The following EXOC6 variants were observed in gnomAD, a reference collection of about 807,000 sequenced individuals.
EXOC6 encodes exocyst complex component 6.
In EXOC6, 60 loss-of-function variants were observed where a neutral mutation model predicts 112.5. The observed-to-expected ratio is 0.53, with a 90% CI of 0.43 to 0.66. The LOEUF (loss-of-function observed/expected upper bound fraction) is 0.66. Ranked by LOEUF, EXOC6 falls within the 30% of genes least tolerant of loss-of-function variation. EXOC6 has a pLI of 0.00. For synonymous variants in EXOC6, 295 were observed against 308.0 expected (o/e 0.96, Z 0.44); for missense variants, 855 against 957.1 (o/e 0.89, Z 1.41).
chr10:92,910,051 A>G (rs1242775114), intron 6 of EXOC6, among the ~76,000 whole-genome samples: 2 of 152,234 alleles, frequency 1.3e-5, no homozygotes, highest in East Asian at 1.9e-4. Flanking sequence ...CTACAGTTCA[A>G]TAATAAACGG....
chr10:92,832,604 T>C (rs551026122), upstream of EXOC6, among the ~76,000 whole-genome samples: 6 of 152,122 alleles, frequency 3.9e-5, no homozygotes, highest in East Asian at 9.7e-4. Context: ...TTAAGCATTA[T>C]GGGGAATACA....
chr10:92,891,025 A>G (rs574336636), intron 1 of EXOC6, among the ~76,000 whole-genome samples: 5 of 152,324 alleles, frequency 3.3e-5, no homozygotes, highest in Admixed American at 6.5e-5. Flanking sequence ...AATCTACGCA[A>G]GACATGTTGT....
intron 17 of EXOC6, among the ~76,000 whole-genome samples, chr10:92,964,669 T>C (rs936848441): frequency 3.9e-5 from 6 of 152,172 alleles, no homozygotes; most frequent in Admixed American, 3.9e-4. Context: ...AACAGAAAAT[T>C]GACAGGAACT....
intron 18 of EXOC6, among the ~76,000 whole-genome samples, chr10:92,978,725 A>C (rs1467766113): frequency 6.6e-6 from 1 of 152,138 alleles, no homozygotes; most frequent in Non-Finnish European, 1.5e-5. Flanking sequence ...TTCTTGGTTT[A>C]AGGTTATTCT....
At chr10:92,992,537 G>GTATCT in intron 18 of EXOC6, among the ~76,000 whole-genome samples, 1 of 152,012 alleles carries the variant, frequency 6.6e-6, no homozygotes, top group South Asian at 2.1e-4. Flanking sequence ...TGTGTTTTAG[G>GTATCT]TATCTTTTTC....
At chr10:92,957,581 C>G (rs1203140751) in intron 17 of EXOC6, among the ~76,000 whole-genome samples, 3 of 152,130 alleles carry the variant, frequency 2.0e-5, no homozygotes, top group African/African-American at 4.8e-5. Flanking sequence ...AGCAAAGCAT[C>G]TTTGTTTTTT....
intron 1 of EXOC6, among the ~76,000 whole-genome samples, chr10:92,890,102 A>G (rs143915722): frequency 1.1e-4 from 17 of 152,308 alleles, no homozygotes; most frequent in Admixed American, 9.8e-4. Flanking sequence ...CTTCATAAAC[A>G]TGGAATAGTT....
intron 18 of EXOC6, among the ~76,000 whole-genome samples, chr10:92,991,851 T>C (rs1843277829): frequency 6.6e-6 from 1 of 151,986 alleles, no homozygotes; most frequent in South Asian, 2.1e-4. Flanking sequence ...GAGGGGAGAA[T>C]GGGAATTTAT....
intron 20 of EXOC6, among the ~76,000 whole-genome samples, chr10:93,027,715 A>C (rs1845091292): frequency 6.6e-6 from 1 of 152,178 alleles, no homozygotes; most frequent in Non-Finnish European, 1.5e-5. Flanking sequence ...CACTGTTGAG[A>C]CCTCCTGCTC....
chr10:92,940,525 C>A (rs966231710), intron 12 of EXOC6, among the ~76,000 whole-genome samples: 1 of 152,086 alleles, frequency 6.6e-6, no homozygotes, highest in Non-Finnish European at 1.5e-5. Flanking sequence ...CCATTCTATT[C>A]TCATAAAACT....
intron 19 of EXOC6, among the ~76,000 whole-genome samples, chr10:93,005,541 C>T (rs1320880506): frequency 6.6e-6 from 1 of 152,052 alleles, no homozygotes; most frequent in East Asian, 1.9e-4. Flanking sequence ...GTCTTCTAAA[C>T]AAGTTCTTAC....
chr10:92,873,644 A>G (rs948552263), intron 1 of EXOC6, among the ~76,000 whole-genome samples: 6 of 152,198 alleles, frequency 3.9e-5, no homozygotes, highest in Non-Finnish European at 7.3e-5. Context: ...ATTATTTTAT[A>G]AAGCATTTTA....
chr10:93,027,299 C>T (rs906329810), intron 20 of EXOC6, among the ~76,000 whole-genome samples: 6 of 152,166 alleles, frequency 3.9e-5, no homozygotes, highest in Admixed American at 1.3e-4. Context: ...AAGCCATCTC[C>T]ATAACATAAA....
rs59650538 is a variant in EXOC6 at position 93,028,834 on chromosome 10, C to CAA, written c.2169+14586_2169+14587dup. Among the ~76,000 whole-genome samples, 469 of 79,042 alleles carry CAA rather than the reference C, an allele frequency of 5.9e-3. 3 individuals are homozygous for CAA. Among genetic ancestry groups the CAA allele is most frequent in the Non-Finnish European group, 7.9e-3 (298 of 37,776 alleles). 51.9% of individuals were successfully genotyped at this position (79,042 alleles called of 152,430 possible). On this transcript the variant is annotated intron_variant, in intron 20 of 21. Coordinates refer to ENST00000260762, the MANE Select transcript of EXOC6 (RefSeq NM_019053.6). ...GGGCAACAAGAGTGAAACTCCATCT[C>CAA]AAAAAAAAAAAAAAAAAAAAGAATT...
At chr10:92,970,453 C>T (rs899373589) in intron 17 of EXOC6, among the ~76,000 whole-genome samples, 1 of 152,186 alleles carries the variant, frequency 6.6e-6, no homozygotes, top group African/African-American at 2.4e-5. Context: ...ACTTCAGCAT[C>T]TGCAGATTTT....
chr10:93,029,216 T>G (rs1211054814), intron 20 of EXOC6, among the ~76,000 whole-genome samples: 1 of 152,210 alleles, frequency 6.6e-6, no homozygotes, highest in African/African-American at 2.4e-5. Context: ...ACGTTGTTTT[T>G]TCAGACATGC....
intron 10 of EXOC6, 55 bp downstream of exon 10, chr10:92,934,245 A>T: frequency 6.5e-7 from 1 of 1,536,972 alleles, no homozygotes. Context: ...GTTAAATGCC[A>T]GAAATACTTA....
At chr10:93,020,299 A>C (rs1359946271) in intron 20 of EXOC6, among the ~76,000 whole-genome samples, 1 of 152,272 alleles carries the variant, frequency 6.6e-6, no homozygotes, top group East Asian at 1.9e-4. Flanking sequence ...TATAAACTTC[A>C]ACAAAAATCA....
intron 17 of EXOC6, among the ~76,000 whole-genome samples, chr10:92,959,943 C>CCATTT (rs1853894703): frequency 6.6e-6 from 1 of 152,186 alleles, no homozygotes; most frequent in South Asian, 2.1e-4. Context: ...CCTTGGAAGA[C>CCATTT]CATTTGGCAG....
Sources: allele counts gnomAD v4.1 joint callset (sites outside exome capture counted in the v4.1 genomes callset), GRCh38; gene constraint gnomAD v4.1.1; transcripts MANE v1.5; gene names NCBI Gene and HGNC (gene_info 2026-07-23, HGNC 2026-07-21).